Variants in GKAP1 observed in about 807,000 individuals in gnomAD.
The protein encoded by GKAP1 is G kinase anchoring protein 1.
A neutral mutation model predicts 56.7 loss-of-function variants in GKAP1; 31 were observed. The ratio of observed to expected loss-of-function variants is 0.55; its 90% CI spans 0.41 to 0.74. The LOEUF is 0.74. GKAP1 is among the 30% of genes least tolerant of loss of function. The probability of loss-of-function intolerance (pLI) is 0.00; values close to 1 mark genes in which losing one functional copy is unlikely to be tolerated. For synonymous variants in GKAP1, 151 were observed against 138.6 expected (o/e 1.09, Z -0.63); for missense variants, 364 against 402.3 (o/e 0.90, Z 0.82).
intron 4 of GKAP1, among the ~76,000 whole-genome samples, chr9:83,792,135 A>G (rs1412052693): frequency 2.6e-5 from 4 of 152,208 alleles, no homozygotes; most frequent in Non-Finnish European, 5.9e-5. Context: ...ATCTCAGAAC[A>G]TTTAAAAAGG....
At chr9:83,807,888 T>C (rs1165911072) in intron 2 of GKAP1, among the ~76,000 whole-genome samples, 1 of 152,256 alleles carries the variant, frequency 6.6e-6, no homozygotes, top group African/African-American at 2.4e-5. Flanking sequence ...TTATCGTTTG[T>C]ATGTTTTCAG....
At chr9:83,806,600 C>A in intron 2 of GKAP1, 40 bp from the exon 3 acceptor site, 2 of 1,126,594 alleles carry the variant, frequency 1.8e-6, no homozygotes, top group Non-Finnish European at 2.6e-6. Context: ...GGTAAACAAA[C>A]AGAGTAAAAT....
chr9:83,797,476 C>T (rs568627924), intron 4 of GKAP1, among the ~76,000 whole-genome samples: 1 of 152,264 alleles, frequency 6.6e-6, no homozygotes, highest in Non-Finnish European at 1.5e-5. Context: ...GCAAGGCTTG[C>T]CCTTATCTCT....
At chr9:83,797,112 T>C (rs543376660) in intron 4 of GKAP1, among the ~76,000 whole-genome samples, 16 of 152,356 alleles carry the variant, frequency 1.1e-4, no homozygotes, top group African/African-American at 3.8e-4. Flanking sequence ...ACTGTCCATC[T>C]GGTTAGGTGT....
intron 7 of GKAP1, among the ~76,000 whole-genome samples, chr9:83,771,962 C>T (rs1336339084): frequency 7.7e-6 from 1 of 130,054 alleles, no homozygotes; most frequent in African/African-American, 2.7e-5. Flanking sequence ...CATTCTGTCC[C>T]TTAAGTACTT....
chr9:83,814,211 T>C (rs1045853615), intron 2 of GKAP1, among the ~76,000 whole-genome samples: 3 of 152,226 alleles, frequency 2.0e-5, no homozygotes, highest in East Asian at 1.9e-4. Flanking sequence ...TTAAATGTAA[T>C]AGCATGCGTT....
chr9:83,757,886 A>T (rs1369720813), intron 8 of GKAP1, among the ~76,000 whole-genome samples: 2 of 152,188 alleles, frequency 1.3e-5, no homozygotes, highest in African/African-American at 4.8e-5. Flanking sequence ...AGATAAAATG[A>T]GGAAACCAAA....
Position 83,768,963 on chromosome 9 carries a change from C to T in GKAP1, c.593G>A (p.Ser198Asn), listed in dbSNP as rs774098664. The change falls in exon 8 of 13, where the codon AGT (serine) becomes AAT (asparagine). Residue 198 changes from serine (S) to asparagine (N), a missense_variant. Coordinates refer to ENST00000376371, the MANE Select transcript of GKAP1 (RefSeq NM_025211.4). ...DHISKKTEEL[S>N]SSQTLSHDGG... The stretch of plus-strand genomic sequence containing the variant: ...ATCATGTGATAAAGTCTGAGAAGAA[C>T]TCAATTCCTGTCAAAAATGAATTAC... 1 of 1,605,944 alleles carries T rather than the reference C, an allele frequency of 6.2e-7. No homozygotes were observed. Among genetic ancestry groups the T allele is most frequent in the Non-Finnish European group, 8.5e-7 (1 of 1,177,624 alleles).
chr9:83,799,115 A>G, intron 4 of GKAP1, 70 bp downstream of exon 4: 1 of 1,307,086 alleles, frequency 7.7e-7, no homozygotes, highest in Non-Finnish European at 1.1e-6. Flanking sequence ...ACGTGAATTC[A>G]GAGGCACTGC....
intron 9 of GKAP1, among the ~76,000 whole-genome samples, chr9:83,749,953 T>C (rs887758418): frequency 1.3e-5 from 2 of 152,192 alleles, no homozygotes; most frequent in African/African-American, 4.8e-5. Flanking sequence ...ACTACAACTA[T>C]ATTCGCTATG....
intron 4 of GKAP1, among the ~76,000 whole-genome samples, chr9:83,797,338 C>T (rs1271164407): frequency 6.6e-6 from 1 of 152,186 alleles, no homozygotes; most frequent in Non-Finnish European, 1.5e-5. Flanking sequence ...AGGAAGAACA[C>T]CCCCTACATT....
chr9:83,739,978 C>T (rs1371469757), intron 12 of GKAP1, among the ~76,000 whole-genome samples: 1 of 151,952 alleles, frequency 6.6e-6, no homozygotes, highest in East Asian at 1.9e-4. Flanking sequence ...AAGAGTCTTG[C>T]CTTAGTAAGC....
intron 6 of GKAP1, among the ~76,000 whole-genome samples, chr9:83,780,735 G>A (rs1943957909): frequency 6.6e-6 from 1 of 152,026 alleles, no homozygotes; most frequent in Admixed American, 6.6e-5. Context: ...GAGGTGGGGG[G>A]AGCAAGTCAA....
intron 12 of GKAP1, among the ~76,000 whole-genome samples, chr9:83,741,404 AT>A (rs1226668920): frequency 1.3e-5 from 2 of 151,644 alleles, no homozygotes; most frequent in African/African-American, 2.4e-5. Flanking sequence ...AAGCACTGGT[AT>A]TTTTAATTGC....
chr9:83,787,414 ATT>A (rs1944083924), intron 5 of GKAP1, among the ~76,000 whole-genome samples: 1 of 151,540 alleles, frequency 6.6e-6, no homozygotes, highest in Non-Finnish European at 1.5e-5. Flanking sequence ...TTAAAAAAAA[ATT>A]TTTAGAGACA....
intron 8 of GKAP1, among the ~76,000 whole-genome samples, chr9:83,759,315 G>T (rs886779326): frequency 6.6e-6 from 1 of 151,920 alleles, no homozygotes; most frequent in East Asian, 1.9e-4. Context: ...GGCTGGAAGG[G>T]AGTGGCATGA....
intron 9 of GKAP1, among the ~76,000 whole-genome samples, chr9:83,749,922 G>A (rs1943359389): frequency 6.6e-6 from 1 of 152,120 alleles, no homozygotes; most frequent in African/African-American, 2.4e-5. Flanking sequence ...AAAATATAAT[G>A]GGGGAAAACA....
chr9:83,802,384 CAGA>C (rs60752454), intron 3 of GKAP1, among the ~76,000 whole-genome samples: 65,380 of 149,432 alleles, frequency 0.44, 14,781 homozygotes, highest in African/African-American at 0.55. Flanking sequence ...GAGGCTGAGG[CAGA>C]AGAACTGCTT....
chr9:83,784,920 G>T, intron 5 of GKAP1, 82 bp from the exon 6 acceptor site: 2 of 1,125,360 alleles, frequency 1.8e-6, no homozygotes, highest in Non-Finnish European at 2.4e-6. Flanking sequence ...GTTTCTTAAA[G>T]TTTATTTTTT....
Sources: allele counts gnomAD v4.1 joint callset (sites outside exome capture counted in the v4.1 genomes callset), GRCh38; gene constraint gnomAD v4.1.1; transcripts MANE v1.5; gene names NCBI Gene and HGNC (gene_info 2026-07-23, HGNC 2026-07-21).